The following ENOX1 variants were observed in gnomAD, a reference collection of about 807,000 sequenced individuals.
ENOX1 encodes the protein candidate growth-related and time keeping constitutive hydroquinone (NADH) oxidase.
In ENOX1, 42 loss-of-function variants were observed where a neutral mutation model predicts 82.5. The observed-to-expected ratio is 0.51, with a 90% CI of 0.40 to 0.66. The LOEUF (loss-of-function observed/expected upper bound fraction) is 0.66. ENOX1 is among the 30% of genes least tolerant of loss of function. The pLI, the probability that ENOX1 is intolerant of heterozygous loss-of-function variation, is 0.00. For missense variants in ENOX1, 608 were observed against 811.6 expected (o/e 0.75, Z 3.05); for synonymous variants, 271 against 282.2 (o/e 0.96, Z 0.40).
chr13:43,425,265 T>C (rs540848626), intron 3 of ENOX1, among the ~76,000 whole-genome samples: 1 of 152,148 alleles, frequency 6.6e-6, no homozygotes, highest in East Asian at 1.9e-4. Context: ...AAAACCTCCA[T>C]GGAGGCTCCC....
intron 2 of ENOX1, among the ~76,000 whole-genome samples, chr13:43,662,110 GA>G (rs748787862): frequency 1.7e-4 from 26 of 152,122 alleles, no homozygotes; most frequent in Non-Finnish European, 3.7e-4. Context: ...GGCATTAAGA[GA>G]ACAAGGTCCA....
chr13:43,710,908 T>C (rs2087654053), intron 1 of ENOX1, among the ~76,000 whole-genome samples: 3 of 151,552 alleles, frequency 2.0e-5, no homozygotes, highest in African/African-American at 7.3e-5. Flanking sequence ...ATTAAGAAAG[T>C]TGGTTTTTTA....
intron 3 of ENOX1, among the ~76,000 whole-genome samples, chr13:43,416,912 C>G (rs2054625208): frequency 6.6e-6 from 1 of 152,212 alleles, no homozygotes; most frequent in Non-Finnish European, 1.5e-5. Flanking sequence ...GCACTCCAGC[C>G]TGGGCAACAT....
chr13:43,739,310 G>C (rs1034924686), intron 1 of ENOX1, among the ~76,000 whole-genome samples: 8 of 152,098 alleles, frequency 5.3e-5, no homozygotes, highest in African/African-American at 1.9e-4. Flanking sequence ...CAATTTGGGA[G>C]GCCAAGTCGG....
chr13:43,538,830 C>G (rs1025706397), intron 2 of ENOX1, among the ~76,000 whole-genome samples: 4 of 1,320 alleles, frequency 3.0e-3, no homozygotes, highest in African/African-American at 3.9e-3. Flanking sequence ...TTCCTCCCCG[C>G]CCCTGCCCTT....
At chr13:43,646,210 C>A (rs2083887865) in intron 2 of ENOX1, among the ~76,000 whole-genome samples, 1 of 152,208 alleles carries the variant, frequency 6.6e-6, no homozygotes, top group South Asian at 2.1e-4. Context: ...GCAGTAACAT[C>A]CTTTATGTCT....
chr13:43,567,245 A>G (rs991250817), intron 2 of ENOX1, among the ~76,000 whole-genome samples: 2 of 152,158 alleles, frequency 1.3e-5, no homozygotes, highest in African/African-American at 4.8e-5. Flanking sequence ...CAATATCAAG[A>G]CATATTCATT....
At chr13:43,345,714 C>T (rs1356629168) in intron 8 of ENOX1, among the ~76,000 whole-genome samples, 1 of 152,104 alleles carries the variant, frequency 6.6e-6, no homozygotes, top group Admixed American at 6.5e-5. Context: ...ACTTTCCAGG[C>T]AAACCTGAGG....
intron 5 of ENOX1, among the ~76,000 whole-genome samples, chr13:43,381,180 A>T (rs2052016960): frequency 6.6e-6 from 1 of 151,868 alleles, no homozygotes; most frequent in African/African-American, 2.4e-5. Context: ...TAATAAAATT[A>T]CAAAAACACA....
At chr13:43,553,379 A>C (rs780331154) in intron 2 of ENOX1, among the ~76,000 whole-genome samples, 2 of 152,230 alleles carry the variant, frequency 1.3e-5, no homozygotes, top group African/African-American at 2.4e-5. Context: ...ATGCTATCCC[A>C]TAAGACAGAC....
intron 5 of ENOX1, among the ~76,000 whole-genome samples, chr13:43,403,532 T>C (rs1311795061): frequency 6.6e-6 from 1 of 152,188 alleles, no homozygotes; most frequent in African/African-American, 2.4e-5. Context: ...ATTTTACACA[T>C]TCTCTTATCT....
chr13:43,374,956 A>G (rs2051515358), intron 5 of ENOX1, among the ~76,000 whole-genome samples: 2 of 152,326 alleles, frequency 1.3e-5, no homozygotes, highest in Middle Eastern at 3.4e-3. Flanking sequence ...CTGAATGTCA[A>G]GTTCAGCTTC....
At chr13:43,279,130 T>A (rs749190063) in intron 12 of ENOX1, among the ~76,000 whole-genome samples, 8 of 152,192 alleles carry the variant, frequency 5.3e-5, no homozygotes, top group Non-Finnish European at 1.2e-4. Flanking sequence ...CCATTTCCTT[T>A]GCTTGAATGT....
At chr13:43,267,197 T>C (rs2044428276) in intron 13 of ENOX1, among the ~76,000 whole-genome samples, 2 of 152,158 alleles carry the variant, frequency 1.3e-5, no homozygotes, top group East Asian at 3.9e-4. Flanking sequence ...TCCCTGTTCT[T>C]CTCTCCTTTA....
At chr13:43,491,682 G>A (rs558550577) in intron 2 of ENOX1, among the ~76,000 whole-genome samples, 1 of 152,256 alleles carries the variant, frequency 6.6e-6, no homozygotes, top group South Asian at 2.1e-4. Flanking sequence ...CAGGAGAATG[G>A]CTTGAACCCA....
chr13:43,393,934 T>C (rs2052967977), intron 5 of ENOX1, among the ~76,000 whole-genome samples: 1 of 152,124 alleles, frequency 6.6e-6, no homozygotes, highest in Admixed American at 6.5e-5. Flanking sequence ...TCACTGTTAT[T>C]CACAGGAGAG....
At chr13:43,704,586 T>C (rs986708803) in intron 1 of ENOX1, among the ~76,000 whole-genome samples, 1 of 152,204 alleles carries the variant, frequency 6.6e-6, no homozygotes, top group Non-Finnish European at 1.5e-5. Flanking sequence ...GGACAGAGTC[T>C]GAGGCTGCCA....
chr13:43,610,013 T>C (rs977726162), intron 2 of ENOX1: 1 of 427,458 alleles, frequency 2.3e-6, no homozygotes, highest in African/African-American at 2.2e-5. Flanking sequence ...AGTTTTGAAA[T>C]TTTGCACCTT....
intron 5 of ENOX1, among the ~76,000 whole-genome samples, chr13:43,403,465 G>A (rs1413810041): frequency 2.0e-5 from 3 of 152,172 alleles, no homozygotes; most frequent in Non-Finnish European, 4.4e-5. Flanking sequence ...TTTAAGTGAT[G>A]TCAGTTACCT....
Sources: gnomAD v4.1 joint callset for allele counts (sites outside exome capture counted in the v4.1 genomes callset) on GRCh38, gnomAD v4.1.1 for gene constraint, MANE v1.5 for transcripts, NCBI Gene and HGNC (gene_info 2026-07-23, HGNC 2026-07-21) for gene names.